Variants in TASP1 observed in about 807,000 individuals in gnomAD.
TASP1 encodes the protein taspase 1, also known as threonine aspartase 1.
Under a neutral mutation model 56.6 loss-of-function variants are expected in TASP1, and 16 were observed. The ratio of observed to expected loss-of-function variants is 0.28; its 90% CI spans 0.19 to 0.43. TASP1 has a LOEUF of 0.43. TASP1 is among the 20% of genes least tolerant of loss of function. The pLI, the probability that TASP1 is intolerant of heterozygous loss-of-function variation, is 1.00. For synonymous variants in TASP1, 179 were observed against 184.2 expected (o/e 0.97, Z 0.23); for missense variants, 393 against 511.6 (o/e 0.77, Z 2.24).
At chr20:13,516,968 G>A (rs548722729) in intron 10 of TASP1, among the ~76,000 whole-genome samples, 1 of 152,104 alleles carries the variant, frequency 6.6e-6, no homozygotes, top group African/African-American at 2.4e-5. Flanking sequence ...AACTGGTTTT[G>A]TTGAGATTTG....
intron 11 of TASP1, among the ~76,000 whole-genome samples, chr20:13,447,172 T>G (rs1287073410): frequency 6.6e-6 from 1 of 152,124 alleles, no homozygotes; most frequent in Non-Finnish European, 1.5e-5. Context: ...ATTTTCCCTA[T>G]GGGGAAATGC....
chr20:13,556,714 C>T (rs1267698754), intron 8 of TASP1, among the ~76,000 whole-genome samples: 1 of 152,156 alleles, frequency 6.6e-6, no homozygotes, highest in Non-Finnish European at 1.5e-5. Context: ...TCTGCACATG[C>T]AGCTCATTCT....
the TASP1 span, among the ~76,000 whole-genome samples, chr20:13,196,348 A>T: frequency 0.16 from 24,745 of 152,228 alleles, 2,444 homozygotes; most frequent in Non-Finnish European, 0.22. Context: ...TACAAATATT[A>T]AAAAGTGAAC....
intron 10 of TASP1, among the ~76,000 whole-genome samples, chr20:13,527,559 A>G (rs1383689127): frequency 6.6e-6 from 1 of 152,102 alleles, no homozygotes; most frequent in African/African-American, 2.4e-5. Context: ...GACAACAACC[A>G]TTCTGCCTAT....
At chr20:13,268,118 T>C in the TASP1 span, among the ~76,000 whole-genome samples, 1 of 110,052 alleles carries the variant, frequency 9.1e-6, no homozygotes, top group Non-Finnish European at 1.9e-5. Flanking sequence ...TCTCCTGTCT[T>C]CTCTTCTCTT....
chr20:13,181,486 G>A, the TASP1 span, among the ~76,000 whole-genome samples: 1 of 152,082 alleles, frequency 6.6e-6, no homozygotes, highest in African/African-American at 2.4e-5. Flanking sequence ...CTAATCTTGA[G>A]GTCTATGGTC....
intron 4 of TASP1, among the ~76,000 whole-genome samples, chr20:13,620,561 A>G (rs960546887): frequency 3.3e-5 from 5 of 152,182 alleles, no homozygotes; most frequent in Middle Eastern, 3.2e-3. Context: ...ATGTTTATGT[A>G]TTGTTTCCTT....
the TASP1 span, among the ~76,000 whole-genome samples, chr20:13,352,447 CA>C: frequency 0.17 from 14,234 of 85,278 alleles, 928 homozygotes; most frequent in African/African-American, 0.27. Flanking sequence ...AAGACTGTCT[CA>C]AAAAAAAAAA....
chr20:13,612,420 A>G (rs2048377395), intron 4 of TASP1, among the ~76,000 whole-genome samples: 1 of 151,914 alleles, frequency 6.6e-6, no homozygotes, highest in East Asian at 1.9e-4. Flanking sequence ...TTCATCTACA[A>G]CTTTACCCAG....
chr20:13,596,704 G>A (rs2047745979), intron 4 of TASP1, among the ~76,000 whole-genome samples: 1 of 152,136 alleles, frequency 6.6e-6, no homozygotes, highest in Non-Finnish European at 1.5e-5. Context: ...GAAGGAGACA[G>A]AGACACAAAA....
At chr20:13,213,836 C>T in the TASP1 span, among the ~76,000 whole-genome samples, 1 of 152,138 alleles carries the variant, frequency 6.6e-6, no homozygotes, top group Non-Finnish European at 1.5e-5. Context: ...CTAGCCCAAA[C>T]ACATAATCCG....
intron 9 of TASP1, among the ~76,000 whole-genome samples, chr20:13,530,242 T>C (rs1020703485): frequency 2.6e-5 from 4 of 152,296 alleles, no homozygotes; most frequent in East Asian, 1.9e-4. Flanking sequence ...TATCTCCAGA[T>C]GTTACAGACA....
intron 8 of TASP1, among the ~76,000 whole-genome samples, chr20:13,550,175 CACACACACACAG>C (rs1184895556): frequency 1.2e-3 from 183 of 151,428 alleles, no homozygotes; most frequent in African/African-American, 4.2e-3. Flanking sequence ...CACACACACA[CACACACACACAG>C]AGACACTGCA....
intron 11 of TASP1, 53 bp downstream of exon 11, chr20:13,483,174 G>C: frequency 7.5e-7 from 1 of 1,335,638 alleles, no homozygotes; most frequent in Non-Finnish European, 1.0e-6. Context: ...AGTGCTTATA[G>C]AAGTGAAATA....
At chr20:13,220,257 C>G in the TASP1 span, among the ~76,000 whole-genome samples, 9 of 152,344 alleles carry the variant, frequency 5.9e-5, no homozygotes, top group African/African-American at 2.2e-4. Flanking sequence ...AGGCGGGAGC[C>G]CGAGCAAGGT....
intron 4 of TASP1, among the ~76,000 whole-genome samples, chr20:13,603,019 T>A (rs1312721770): frequency 1.3e-5 from 2 of 151,202 alleles, no homozygotes; most frequent in Non-Finnish European, 3.0e-5. Flanking sequence ...TCACCTGAGG[T>A]CAGGAGTTCA....
chr20:13,558,475 T>G (rs2057256), intron 8 of TASP1, among the ~76,000 whole-genome samples: 98,441 of 151,968 alleles, frequency 0.65, 32,098 homozygotes, highest in Non-Finnish European at 0.68. Flanking sequence ...TTAAAATGAG[T>G]CAAGGACAAA....
chr20:13,296,608 A>C, the TASP1 span, among the ~76,000 whole-genome samples: 1 of 152,184 alleles, frequency 6.6e-6, no homozygotes, highest in African/African-American at 2.4e-5. Flanking sequence ...CTCTACCCTG[A>C]AGCCAGTCTC....
the TASP1 span, among the ~76,000 whole-genome samples, chr20:13,134,638 G>A: frequency 2.0e-5 from 3 of 152,130 alleles, no homozygotes; most frequent in Admixed American, 2.0e-4. Context: ...GGAGATTCTG[G>A]TGCAGGCTCA....
Sources: gnomAD v4.1 joint callset for allele counts (sites outside exome capture counted in the v4.1 genomes callset) on GRCh38, gnomAD v4.1.1 for gene constraint, MANE v1.5 for transcripts, NCBI Gene and HGNC (gene_info 2026-07-23, HGNC 2026-07-21) for gene names.